The following SATB2 variants were observed in gnomAD, a reference collection of about 807,000 sequenced individuals.
The protein encoded by SATB2 is DNA-binding protein SATB2.
Under a neutral mutation model 73.4 loss-of-function variants are expected in SATB2, and 1 was observed. The ratio of observed to expected loss-of-function variants is 0.01; its 90% CI spans 0.00 to 0.06. The LOEUF is 0.06. Ranked by LOEUF, SATB2 falls within the 10% of genes least tolerant of loss-of-function variation. SATB2 has a pLI of 1.00. For missense variants in SATB2, 459 were observed against 945.8 expected (o/e 0.49, Z 6.75); for synonymous variants, 397 against 367.0 (o/e 1.08, Z -0.93).
At chr2:199,407,379 T>A (rs1052851433) in intron 3 of SATB2, among the ~76,000 whole-genome samples, 4 of 149,052 alleles carry the variant, frequency 2.7e-5, no homozygotes, top group African/African-American at 9.9e-5. Context: ...TAATAAGAGG[T>A]GAGGCCAGGA....
intron 7 of SATB2, among the ~76,000 whole-genome samples, chr2:199,332,615 C>T (rs1357422856): frequency 2.0e-5 from 3 of 152,028 alleles, no homozygotes; most frequent in African/African-American, 7.2e-5. Context: ...AATTAATGCC[C>T]TTATTTTTTT....
chr2:199,308,683 G>T lies in SATB2; in HGVS notation c.1740+77C>A, dbSNP rs1171755038. 26 of 1,272,226 alleles carry T rather than the reference G, an allele frequency of 2.0e-5. No homozygotes were observed. Among genetic ancestry groups the T allele is most frequent in the Non-Finnish European group, 2.8e-5 (25 of 879,394 alleles). The allele number at this position is 1,272,226 out of a possible 1,614,324, so 78.8% of individuals were successfully genotyped here. A position where few individuals can be genotyped will look rare whatever the true frequency, so the allele number is the denominator to read the frequency against. On this transcript the variant is annotated intron_variant, in intron 10 of 10. Transcript: ENST00000417098. This position sits in a 1 kb window ranked among gnomAD's most constrained non-coding sequence, Gnocchi z 4.6. ...TCTGACAGAAGTTGGTGTGGTGTGT[G>T]CCACTTGGACCCTCAGCAGCTACTG...
intron 3 of SATB2, among the ~76,000 whole-genome samples, chr2:199,382,217 T>C (rs1574569288): frequency 1.3e-5 from 2 of 152,260 alleles, no homozygotes; most frequent in Middle Eastern, 6.8e-3. Flanking sequence ...AGTTTTGAAT[T>C]GTACAAGAAA....
intron 3 of SATB2, among the ~76,000 whole-genome samples, chr2:199,430,810 A>G (rs1048699574): frequency 1.3e-5 from 2 of 152,194 alleles, no homozygotes; most frequent in African/African-American, 4.8e-5. Flanking sequence ...CCAAATAATG[A>G]CATTGCTAAC....
At chr2:199,430,134 T>C (rs1008621831) in intron 3 of SATB2, among the ~76,000 whole-genome samples, 1 of 151,980 alleles carries the variant, frequency 6.6e-6, no homozygotes, top group Non-Finnish European at 1.5e-5. Flanking sequence ...CTGGACAGTG[T>C]GGGGAGCTCC....
At position 199,457,743 on chromosome 2, in the gene SATB2, G is replaced by C. The variant is rs918670842; in HGVS notation, c.-464C>G. ...GAACCCGGAGGCGGCGGCGGCGGCGGCGAGCCGGGGCTGCTGGTTCGCAGG... is the reference window on the plus strand; with the variant it reads ...GAACCCGGAGGCGGCGGCGGCGGCGCCGAGCCGGGGCTGCTGGTTCGCAGG... On this transcript the variant is annotated 5_prime_UTR_variant, in exon 1 of 11. Coordinates refer to ENST00000417098, the MANE Select transcript of SATB2 (RefSeq NM_001172509.2). The surrounding 1 kb of genome is among the most constrained non-coding windows in gnomAD (Gnocchi z 4.8). The C allele has an allele frequency of 1.9e-5, 3 of 159,086 alleles. No individual in the cohort carries two copies. The highest frequency in any genetic ancestry group is 7.2e-5 in the African/African-American group (3 of 41,468). 9.9% of individuals were successfully genotyped at this position (159,086 alleles called of 1,614,324 possible). A position where few individuals can be genotyped will look rare whatever the true frequency, so the allele number is the denominator to read the frequency against.
rs759460565 is a variant in SATB2, at chr2:199,381,829, G to A, written c.347-9C>T. 2 of 1,613,658 alleles carry A rather than the reference G, an allele frequency of 1.2e-6. No homozygotes were observed. The highest frequency in any genetic ancestry group is 1.1e-5 in the South Asian group (1 of 91,056). On this transcript the variant is annotated splice_polypyrimidine_tract_variant and intron_variant, in intron 3 of 10. Coordinates refer to ENST00000417098, the MANE Select transcript of SATB2 (RefSeq NM_001172509.2). ...TCCCAGCTTGATTATTCCTGCACAG[G>A]GAAGAAAAACATAATAAACACATAT...
At chr2:199,467,848 G>A (rs550807601), upstream of SATB2, among the ~76,000 whole-genome samples, 1 of 152,196 alleles carries the variant, frequency 6.6e-6, no homozygotes, top group East Asian at 1.9e-4. Flanking sequence ...TGCAGAATGG[G>A]GTGTCCCTGC....
At chr2:199,338,158 G>A (rs1489072103) in intron 7 of SATB2, among the ~76,000 whole-genome samples, 2 of 151,886 alleles carry the variant, frequency 1.3e-5, no homozygotes, top group African/African-American at 4.8e-5. Flanking sequence ...GAGGTCAGGA[G>A]TTCAAGACCA....
At chr2:199,410,682 G>A (rs1293597630) in intron 3 of SATB2, among the ~76,000 whole-genome samples, 1 of 152,186 alleles carries the variant, frequency 6.6e-6, no homozygotes, top group Non-Finnish European at 1.5e-5. Flanking sequence ...CAAGAAGAAT[G>A]AATGCTCCAT....
intron 6 of SATB2, 123 bp from the exon 7 acceptor site, chr2:199,349,296 C>T (rs570520575): frequency 2.1e-5 from 16 of 746,938 alleles, no homozygotes; most frequent in Admixed American, 4.7e-5. Context: ...TTTCATACAA[C>T]GATGGAAGCT....
intron 7 of SATB2, among the ~76,000 whole-genome samples, chr2:199,341,630 A>C (rs1574524414): frequency 6.6e-6 from 1 of 152,350 alleles, no homozygotes; most frequent in East Asian, 1.9e-4. Context: ...GTTTTAAACA[A>C]TAATACTGAT....
In SATB2 at chr2:199,439,530, C is replaced by T. The variant is rs866823032; in HGVS notation, c.170-6016G>A. 5.9e-4 allele frequency among the ~76,000 whole-genome samples: 90 copies of T among 152,198 alleles called. 2 individuals are homozygous for T. Among genetic ancestry groups the T allele is most frequent in the Non-Finnish European group, 1.8e-4 (12 of 68,028 alleles). On this transcript the variant is annotated intron_variant, in intron 2 of 10. Transcript: ENST00000417098. ...TGAACCTGAAGTACCAAAGAACAAT[C>T]TGTTTGAAATACTGAAACAAACTTT...
chr2:199,430,618 A>T (rs1453933289), intron 3 of SATB2, among the ~76,000 whole-genome samples: 1 of 152,226 alleles, frequency 6.6e-6, no homozygotes, highest in African/African-American at 2.4e-5. Context: ...ATTTTAACAC[A>T]GGGAAAGAAA....
intron 2 of SATB2, among the ~76,000 whole-genome samples, chr2:199,451,790 C>T (rs1258036790): frequency 6.6e-6 from 1 of 151,988 alleles, no homozygotes; most frequent in Non-Finnish European, 1.5e-5. Context: ...TTAAATGAGG[C>T]CCTGACTAAC....
intron 10 of SATB2, among the ~76,000 whole-genome samples, chr2:199,283,081 A>C (rs1574469197): frequency 6.6e-6 from 1 of 151,876 alleles, no homozygotes; most frequent in East Asian, 1.9e-4. Context: ...ACATAAACAT[A>C]AACTTTTTTT....
At chr2:199,395,226 T>C (rs1026638961) in intron 3 of SATB2, among the ~76,000 whole-genome samples, 1 of 152,194 alleles carries the variant, frequency 6.6e-6, no homozygotes, top group Non-Finnish European at 1.5e-5. Context: ...TCGTGTTTTA[T>C]CATAAACACC....
intron 3 of SATB2, among the ~76,000 whole-genome samples, chr2:199,400,536 G>T (rs1690439947): frequency 6.6e-6 from 1 of 152,082 alleles, no homozygotes; most frequent in Admixed American, 6.5e-5. Context: ...TTTTAGAGAT[G>T]AAGCAAAAAC....
At chr2:199,286,895 T>C (rs560336722) in intron 10 of SATB2, among the ~76,000 whole-genome samples, 1 of 152,240 alleles carries the variant, frequency 6.6e-6, no homozygotes, top group Admixed American at 6.5e-5. Flanking sequence ...CAAAAAAAAG[T>C]GGCTTTTGCA....
Sources: allele counts gnomAD v4.1 joint callset (sites outside exome capture counted in the v4.1 genomes callset), GRCh38; gene constraint gnomAD v4.1.1; non-coding constraint Gnocchi (gnomAD v3.1); transcripts MANE v1.5; gene names NCBI Gene and HGNC (gene_info 2026-07-23, HGNC 2026-07-21).